The following DCAF8L2 variants were observed in gnomAD, a reference collection of about 807,000 sequenced individuals.
DCAF8L2 encodes DDB1- and CUL4-associated factor 8-like protein 2.
For missense variants in DCAF8L2, 430 were observed against 490.7 expected (o/e 0.88, Z 1.17); for synonymous variants, 200 against 190.9 (o/e 1.05, Z -0.39).
At chrX:27,650,744 A>C (rs922234361) in intron 2 of DCAF8L2, among the ~76,000 whole-genome samples, 3 of 111,636 alleles carry the variant, frequency 2.7e-5, no homozygotes, top group African/African-American at 9.8e-5. Flanking sequence ...CCATGAAGAG[A>C]TATAGTTTAA....
intron 4 of DCAF8L2, among the ~76,000 whole-genome samples, chrX:27,735,389 G>A (rs1225544652): frequency 1.8e-5 from 2 of 111,773 alleles, no homozygotes; most frequent in Non-Finnish European, 3.8e-5. Context: ...GTCTGTTGGG[G>A]CTACTCTCTT....
chrX:27,733,818 T>C lies in DCAF8L2; in HGVS notation c.-58-13020T>C, dbSNP rs777882083. ...CCCCATTGTGCGGTCTTGGTGCCCT[T>C]ATCAAAAATTAGTTGATCATGTGTG... On this transcript the variant is annotated intron_variant, in intron 4 of 4. Coordinates refer to ENST00000451261, the MANE Select transcript of DCAF8L2 (RefSeq NM_001353450.2). Among the ~76,000 whole-genome samples the C allele has an allele frequency of 5.4e-5, 6 of 111,755 alleles. No homozygotes were observed. The South Asian group carries it at 1.9e-3, about 35-fold the overall frequency.
At chrX:27,555,712 A>C in the DCAF8L2 span, among the ~76,000 whole-genome samples, 8 of 111,804 alleles carry the variant, frequency 7.2e-5, no homozygotes. Flanking sequence ...CTGTAGTGAC[A>C]TTGCAGGAGG....
the DCAF8L2 span, among the ~76,000 whole-genome samples, chrX:27,547,890 T>TG: frequency 4.8e-5 from 3 of 63,134 alleles, no homozygotes; most frequent in African/African-American, 1.2e-4. Flanking sequence ...TCTCTCTCTC[T>TG]TTCTCTCTCT....
chrX:27,485,251 G>T, the DCAF8L2 span, among the ~76,000 whole-genome samples: 2 of 111,822 alleles, frequency 1.8e-5, no homozygotes, highest in Non-Finnish European at 1.9e-5. Context: ...ATATTTGAGT[G>T]CATTCAATTG....
At chrX:27,522,346 T>C in the DCAF8L2 span, among the ~76,000 whole-genome samples, 3 of 112,295 alleles carry the variant, frequency 2.7e-5, no homozygotes, top group African/African-American at 9.7e-5. Context: ...TACTTTTGTA[T>C]GTGTATATGT....
the DCAF8L2 span, among the ~76,000 whole-genome samples, chrX:27,488,517 C>CTGTGTG: frequency 0.016 from 1,315 of 80,407 alleles, 20 homozygotes; most frequent in Admixed American, 0.03. Context: ...AAAATTACCT[C>CTGTGTG]TGTGTGTGTG....
the DCAF8L2 span, chrX:27,519,279 G>T: frequency 7.0e-6 from 7 of 1,001,632 alleles, no homozygotes; most frequent in Non-Finnish European, 9.9e-6. Context: ...CTCTAGAACT[G>T]GATCAAGAAT....
At chrX:27,518,972 A>C in the DCAF8L2 span, 1 of 650,453 alleles carries the variant, frequency 1.5e-6, no homozygotes, top group Non-Finnish European at 2.6e-6. Context: ...TATGCACCTC[A>C]TCTGAGAATC....
At chrX:27,728,698 T>C (rs912194699) in intron 4 of DCAF8L2, among the ~76,000 whole-genome samples, 1 of 112,020 alleles carries the variant, frequency 8.9e-6, no homozygotes, top group African/African-American at 3.2e-5. Flanking sequence ...GATATAGATA[T>C]AGATACATAG....
At chrX:27,717,092 C>T (rs373678288) in intron 4 of DCAF8L2, among the ~76,000 whole-genome samples, 4 of 112,250 alleles carry the variant, frequency 3.6e-5, no homozygotes, top group Admixed American at 9.4e-5. Context: ...CATAATATTC[C>T]GTAGTGTATA....
chrX:27,517,505 A>G, the DCAF8L2 span, among the ~76,000 whole-genome samples: 1 of 111,233 alleles, frequency 9.0e-6, no homozygotes, highest in Non-Finnish European at 1.9e-5. Flanking sequence ...CAGAAAAAAA[A>G]AAAAAGAAAA....
intron 1 of DCAF8L2, among the ~76,000 whole-genome samples, chrX:27,598,030 T>C (rs1446721918): frequency 1.8e-5 from 2 of 112,347 alleles, no homozygotes; most frequent in Non-Finnish European, 3.8e-5. Flanking sequence ...TTATAAATCT[T>C]ATTTTCATAT....
At chrX:27,502,335 A>AAAAAAAAAAAATATAT in the DCAF8L2 span, among the ~76,000 whole-genome samples, 3 of 12,712 alleles carry the variant, frequency 2.4e-4, no homozygotes, top group Non-Finnish European at 3.0e-4. Flanking sequence ...AAAAAAAAAA[A>AAAAAAAAAAAATATAT]ATATATATAT....
chrX:27,522,097 G>A, the DCAF8L2 span, among the ~76,000 whole-genome samples: 2 of 112,138 alleles, frequency 1.8e-5, no homozygotes, highest in Non-Finnish European at 3.8e-5. Context: ...GCGCGATCTC[G>A]GCTCACCACA....
chrX:27,670,895 A>G (rs1207928873), intron 2 of DCAF8L2, among the ~76,000 whole-genome samples: 2 of 112,004 alleles, frequency 1.8e-5, no homozygotes, highest in Non-Finnish European at 3.8e-5. Context: ...GGCCTTCATC[A>G]GAAACAGATG....
At chrX:27,669,455 CATTT>C (rs1056110819) in intron 2 of DCAF8L2, among the ~76,000 whole-genome samples, 15 of 103,204 alleles carry the variant, frequency 1.5e-4, no homozygotes, top group African/African-American at 5.0e-4. Context: ...CTTATTTATT[CATTT>C]ATTTATTTAT....
chrX:27,732,037 G>C (rs1435887560), intron 4 of DCAF8L2, among the ~76,000 whole-genome samples: 1 of 111,103 alleles, frequency 9.0e-6, no homozygotes, highest in Non-Finnish European at 1.9e-5. Flanking sequence ...TATTTCAGCT[G>C]TATAACATGA....
At chrX:27,471,189 T>C in the DCAF8L2 span, among the ~76,000 whole-genome samples, 1 of 112,306 alleles carries the variant, frequency 8.9e-6, no homozygotes, top group East Asian at 2.8e-4. Flanking sequence ...TCTTTTCATG[T>C]CTGATATAGT....
Sources: gnomAD v4.1 joint callset for allele counts (sites outside exome capture counted in the v4.1 genomes callset) on GRCh38, gnomAD v4.1.1 for gene constraint, MANE v1.5 for transcripts, NCBI Gene and HGNC (gene_info 2026-07-23, HGNC 2026-07-21) for gene names.